ZNF616: variants seen among roughly 807,000 people sequenced by gnomAD.
The protein encoded by ZNF616 is zinc finger protein 616.
A neutral mutation model predicts 7.6 loss-of-function variants in ZNF616; 5 were observed. The observed-to-expected ratio is 0.66, with a 90% CI of 0.34 to 1.38. The LOEUF is 1.38. Among genes scored for constraint, ZNF616 ranks in the 40% most tolerant of loss-of-function variants. The pLI, the probability that ZNF616 is intolerant of heterozygous loss-of-function variation, is 0.04. For missense variants in ZNF616, 913 were observed against 948.3 expected (o/e 0.96, Z 0.49); for synonymous variants, 319 against 317.2 (o/e 1.01, Z -0.06).
At chr19:52,133,392 A>G (rs868626129) in intron 1 of ZNF616, among the ~76,000 whole-genome samples, 1 of 152,158 alleles carries the variant, frequency 6.6e-6, no homozygotes, top group South Asian at 2.1e-4. Context: ...ACACTTTATA[A>G]TAGGCCAATT....
At chr19:52,117,694 G>A (rs2088836922) in intron 3 of ZNF616, among the ~76,000 whole-genome samples, 3 of 152,024 alleles carry the variant, frequency 2.0e-5, no homozygotes, top group South Asian at 4.1e-4. Context: ...TCTAGAGACA[G>A]CATATGATAA....
chr19:52,117,319 C>T (rs951463709), intron 3 of ZNF616, among the ~76,000 whole-genome samples: 1 of 152,072 alleles, frequency 6.6e-6, no homozygotes, highest in Non-Finnish European at 1.5e-5. Context: ...ATTTTGCAAC[C>T]AATGACACCA....
chr19:52,134,033 T>C (rs2088986481), intron 1 of ZNF616, among the ~76,000 whole-genome samples: 1 of 152,098 alleles, frequency 6.6e-6, no homozygotes, highest in African/African-American at 2.4e-5. Flanking sequence ...GCTCCACCCA[T>C]GTCCTGGCCA....
intron 1 of ZNF616, among the ~76,000 whole-genome samples, chr19:52,134,693 A>G (rs2088992647): frequency 6.6e-6 from 1 of 152,228 alleles, no homozygotes; most frequent in Admixed American, 6.5e-5. Context: ...CACTGGCCAC[A>G]GAAGAGTTCT....
At chr19:52,128,741 CAAAAA>C (rs201369673) in intron 2 of ZNF616, among the ~76,000 whole-genome samples, 7 of 70,464 alleles carry the variant, frequency 9.9e-5, no homozygotes, top group Admixed American at 7.7e-4. Flanking sequence ...AACTCCGTCT[CAAAAA>C]AAAAAAAAAA....
At chr19:52,122,068 G>A (rs1411629256) in intron 3 of ZNF616, among the ~76,000 whole-genome samples, 2 of 149,728 alleles carry the variant, frequency 1.3e-5, no homozygotes, top group African/African-American at 2.5e-5. Flanking sequence ...AAGCAGACAG[G>A]AGAATAATTA....
intron 1 of ZNF616, among the ~76,000 whole-genome samples, chr19:52,137,945 G>A (rs2122179330): frequency 6.6e-6 from 1 of 152,234 alleles, no homozygotes; most frequent in Non-Finnish European, 1.5e-5. Flanking sequence ...AAGGAAAAAA[G>A]TAAATCCATT....
chr19:52,132,186 C>G (rs925513729), intron 1 of ZNF616, among the ~76,000 whole-genome samples: 2 of 152,126 alleles, frequency 1.3e-5, no homozygotes, highest in Non-Finnish European at 2.9e-5. Flanking sequence ...TCAAATATAT[C>G]CTGACATGTA....
At position 52,116,891 on chromosome 19, in the gene ZNF616, C is replaced by G; in HGVS notation, c.273G>C (p.Gln91His). 6.2e-7 allele frequency: 1 copy of G among 1,613,940 alleles called. No individual in the cohort carries two copies. The highest frequency in any genetic ancestry group is 1.1e-5 in the South Asian group (1 of 91,012). ...DIENLYFREI[Q>H]KHLHDLEFQW... ...GAAATTCAAGGTCATGTAGATGTTT[C>G]TGTATTTCCCTGAAGTATAAATTTT... The change falls in exon 4 of 4, where the codon CAG (glutamine) becomes CAC (histidine). Residue 91 changes from glutamine (Q) to histidine (H), a missense_variant. Physicochemically the swap from Gln to His is conservative, Grantham distance 24 (BLOSUM62 0). Transcript: ENST00000600228.
chr19:52,138,498 CACT>C (rs1449504746), intron 1 of ZNF616: 2 of 152,418 alleles, frequency 1.3e-5, no homozygotes, highest in Non-Finnish European at 2.9e-5. Flanking sequence ...CCACTCTCTT[CACT>C]ACTATGTGTT....
rs1401126569 is a variant in ZNF616 at position 52,124,057 on chromosome 19, G to A, written c.13-8C>T. On this transcript the variant is annotated splice_polypyrimidine_tract_variant and splice_region_variant and intron_variant, in intron 2 of 3. Transcript: ENST00000600228. ...CTTGAATGTCAAATGCCCCTGAAAT[G>A]AAAAACACATTTCAAAAAGAAGCAA... is the stretch of plus-strand genomic sequence containing the variant. 5 of 1,588,294 alleles carry A rather than the reference G, an allele frequency of 3.1e-6. No individual in the cohort carries two copies. The highest frequency in any genetic ancestry group is 1.4e-5 in the African/African-American group (1 of 73,044).
chr19:52,116,983 C>T lies in ZNF616; in HGVS notation c.181G>A (p.Glu61Lys). 1 of 1,598,524 alleles carries T rather than the reference C, an allele frequency of 6.3e-7. No homozygotes were observed. ...KCVIKELPPTENSNTGERFQT... is the reference protein window; with the variant it reads ...KCVIKELPPTKNSNTGERFQT... ...AACCTTTCTCCTGTATTACTGTTCT[C>T]TGTTGGTGGTAATTCCTTGATCACA... Residue 61 changes from glutamate to lysine, a missense_variant, in exon 4 of 4, where the codon GAG becomes AAG. Transcript: ENST00000600228.
At chr19:52,121,053 T>A (rs1200440103) in intron 3 of ZNF616, among the ~76,000 whole-genome samples, 1 of 152,208 alleles carries the variant, frequency 6.6e-6, no homozygotes, top group Non-Finnish European at 1.5e-5. Flanking sequence ...AGTAAAACTT[T>A]TTAACACTTC....
At chr19:52,129,384 AC>A (rs988543279) in intron 2 of ZNF616, among the ~76,000 whole-genome samples, 12 of 152,210 alleles carry the variant, frequency 7.9e-5, no homozygotes, top group African/African-American at 1.4e-4. Context: ...TACCAAAAAA[AC>A]AAATATATAC....
At chr19:52,135,256 A>C (rs1415542271) in intron 1 of ZNF616, among the ~76,000 whole-genome samples, 6 of 151,996 alleles carry the variant, frequency 3.9e-5, no homozygotes, top group Non-Finnish European at 7.4e-5. Flanking sequence ...AACAACTCAT[A>C]AACTCCTGCT....
chr19:52,126,583 C>T (rs2088910071), intron 2 of ZNF616, among the ~76,000 whole-genome samples: 1 of 151,928 alleles, frequency 6.6e-6, no homozygotes, highest in South Asian at 2.1e-4. Context: ...GCCTGGCCAA[C>T]ACGGTGAAAC....
At chr19:52,117,809 T>C (rs1472407494) in intron 3 of ZNF616, among the ~76,000 whole-genome samples, 2 of 152,128 alleles carry the variant, frequency 1.3e-5, no homozygotes, top group Non-Finnish European at 2.9e-5. Context: ...CTAAACAGTG[T>C]CAGATCTGGT....
intron 3 of ZNF616, among the ~76,000 whole-genome samples, chr19:52,117,294 G>A (rs1220174279): frequency 6.6e-6 from 1 of 152,064 alleles, no homozygotes; most frequent in Non-Finnish European, 1.5e-5. Context: ...AACATATATT[G>A]GCACTAAAAC....
chr19:52,118,789 T>G (rs1266819788), intron 3 of ZNF616, among the ~76,000 whole-genome samples: 1 of 152,190 alleles, frequency 6.6e-6, no homozygotes, highest in Non-Finnish European at 1.5e-5. Flanking sequence ...AAAACAATAT[T>G]CTAGACTAGC....
Sources: allele counts gnomAD v4.1 joint callset (sites outside exome capture counted in the v4.1 genomes callset), GRCh38; gene constraint gnomAD v4.1.1; transcripts MANE v1.5; gene names NCBI Gene and HGNC (gene_info 2026-07-23, HGNC 2026-07-21).